Variants in FGF12 observed in about 807,000 individuals in gnomAD.
FGF12 encodes the protein fibroblast growth factor 12.
A neutral mutation model predicts 23.6 loss-of-function variants in FGF12; 14 were observed. The observed-to-expected ratio is 0.59, with a 90% CI of 0.39 to 0.93. The LOEUF (loss-of-function observed/expected upper bound fraction) is 0.93, where lower values mean the gene tolerates loss of function less well. Among genes scored for constraint, FGF12 ranks in the 40% least tolerant of loss-of-function variants. FGF12 has a pLI of 0.00. For synonymous variants in FGF12, 62 were observed against 77.3 expected, an observed-to-expected ratio of 0.80 and a Z score of 1.04; for missense variants, 175 against 217.8, an observed-to-expected ratio of 0.80 and a Z score of 1.24.
chr3:192,222,215 G>A (rs1418862234), intron 4 of FGF12, among the ~76,000 whole-genome samples: 1 of 152,148 alleles, frequency 6.6e-6, no homozygotes, highest in African/African-American at 2.4e-5. Context: ...AGAGATGGAT[G>A]AAAGCCAGGT....
intron 2 of FGF12, among the ~76,000 whole-genome samples, chr3:192,577,370 G>T (rs961682598): frequency 5.9e-5 from 9 of 152,116 alleles, no homozygotes; most frequent in African/African-American, 1.2e-4. Flanking sequence ...ATGAACAAAT[G>T]GTTCTGAGAG....
intron 2 of FGF12, among the ~76,000 whole-genome samples, chr3:192,407,182 C>A (rs1358713038): frequency 1.3e-5 from 2 of 152,144 alleles, no homozygotes; most frequent in Non-Finnish European, 2.9e-5. Flanking sequence ...CAATCATCTG[C>A]GGTCGGGGCT....
intron 4 of FGF12, among the ~76,000 whole-genome samples, chr3:192,228,520 C>T (rs148322482): frequency 1.3e-5 from 2 of 152,172 alleles, no homozygotes; most frequent in African/African-American, 4.8e-5. Context: ...TGTCAAGGCG[C>T]GTCACCTTTG....
At chr3:192,321,869 C>T (rs952831776) in intron 4 of FGF12, among the ~76,000 whole-genome samples, 1 of 151,882 alleles carries the variant, frequency 6.6e-6, no homozygotes, top group Non-Finnish European at 1.5e-5. Context: ...TCATACTGAA[C>T]AAGGAAAAGC....
intron 2 of FGF12, among the ~76,000 whole-genome samples, chr3:192,482,819 T>C (rs942029184): frequency 6.6e-6 from 1 of 152,204 alleles, no homozygotes; most frequent in Non-Finnish European, 1.5e-5. Context: ...TATTAGATAA[T>C]ATAAAAAAGC....
At chr3:192,226,277 C>A (rs954486994) in intron 4 of FGF12, among the ~76,000 whole-genome samples, 1 of 152,066 alleles carries the variant, frequency 6.6e-6, no homozygotes, top group African/African-American at 2.4e-5. Context: ...GCATGATTAC[C>A]ATAATATGTC....
intron 4 of FGF12, among the ~76,000 whole-genome samples, chr3:192,273,034 C>T (rs184973156): frequency 6.6e-6 from 1 of 152,264 alleles, no homozygotes; most frequent in South Asian, 2.1e-4. Flanking sequence ...AGGAAGAGAA[C>T]AGGTGAAGTG....
intron 2 of FGF12, among the ~76,000 whole-genome samples, chr3:192,467,539 T>C (rs1026494608): frequency 6.9e-5 from 10 of 145,616 alleles, no homozygotes; most frequent in Non-Finnish European, 1.5e-4. Flanking sequence ...TGGAAGGTTA[T>C]ATGGAATTAC....
At chr3:192,672,408 A>C (rs761654702) in intron 2 of FGF12, among the ~76,000 whole-genome samples, 1 of 151,044 alleles carries the variant, frequency 6.6e-6, no homozygotes, top group Non-Finnish European at 1.5e-5. Context: ...AGATGAACAC[A>C]CATTAAAATT....
chr3:192,150,578 T>C (rs1713995083), intron 5 of FGF12, among the ~76,000 whole-genome samples: 1 of 146,032 alleles, frequency 6.8e-6, no homozygotes. Flanking sequence ...GGGGAATCCT[T>C]TCCCCATTGC....
At position 192,336,510 on chromosome 3, in the gene FGF12, G is replaced by A. The variant is rs114221154; in HGVS notation, c.125-1046C>T. Among the ~76,000 whole-genome samples the A allele has an allele frequency of 2.2e-3, 341 of 152,168 alleles. No homozygotes were observed. Among genetic ancestry groups the A allele is most frequent in the African/African-American group, 7.8e-3 (325 of 41,542 alleles). ...CCTGAAACAATTCACATTGCATATG[G>A]AAGAAAAGCAATCATATAGTTAGGC... On this transcript the variant is annotated intron_variant, in intron 3 of 5. Coordinates refer to ENST00000445105, the MANE Select transcript of FGF12 (RefSeq NM_004113.6). The surrounding 1 kb of genome is among the most constrained non-coding windows in gnomAD (Gnocchi z 4.3).
At chr3:192,596,041 C>T (rs760830826) in intron 2 of FGF12, among the ~76,000 whole-genome samples, 8 of 146,266 alleles carry the variant, frequency 5.5e-5, no homozygotes, top group African/African-American at 1.0e-4. Flanking sequence ...TGCAGTTAGC[C>T]GATATTGTAC....
intron 2 of FGF12, among the ~76,000 whole-genome samples, chr3:192,479,439 C>G (rs575801655): frequency 6.6e-6 from 1 of 152,204 alleles, no homozygotes; most frequent in Admixed American, 6.5e-5. Context: ...TAGTCAACTT[C>G]TTTATTTCAG....
intron 4 of FGF12, among the ~76,000 whole-genome samples, chr3:192,334,461 T>C (rs1000716070): frequency 5.3e-5 from 8 of 152,126 alleles, no homozygotes; most frequent in Admixed American, 5.2e-4. Flanking sequence ...GTAATCATGA[T>C]TTTCAAGGAA....
intron 2 of FGF12, among the ~76,000 whole-genome samples, chr3:192,653,874 A>G (rs79609461): frequency 1.3e-5 from 2 of 151,962 alleles, no homozygotes; most frequent in East Asian, 1.9e-4. Context: ...GCCACCATGC[A>G]TGGCTAATTT....
chr3:192,561,576 A>T (rs1209957171), intron 2 of FGF12, among the ~76,000 whole-genome samples: 1 of 151,980 alleles, frequency 6.6e-6, no homozygotes, highest in East Asian at 1.9e-4. Context: ...GTTAGCCAGG[A>T]TAGTCTCGAT....
intron 3 of FGF12, among the ~76,000 whole-genome samples, chr3:192,349,061 G>A (rs1414580901): frequency 6.6e-6 from 1 of 151,986 alleles, no homozygotes. Context: ...ATGCTTCATG[G>A]TAGTATGCCC....
chr3:192,417,908 A>G (rs1022004858), intron 2 of FGF12, among the ~76,000 whole-genome samples: 1 of 152,084 alleles, frequency 6.6e-6, no homozygotes, highest in Non-Finnish European at 1.5e-5. Flanking sequence ...CTCAAAAAAG[A>G]GGATGTGCCT....
chr3:192,243,159 C>T (rs1719709820), intron 4 of FGF12, among the ~76,000 whole-genome samples: 1 of 151,834 alleles, frequency 6.6e-6, no homozygotes, highest in Non-Finnish European at 1.5e-5. Flanking sequence ...AGATGTTAAC[C>T]TTAAATATAT....
Sources: gnomAD v4.1 joint callset for allele counts (sites outside exome capture counted in the v4.1 genomes callset) on GRCh38, gnomAD v4.1.1 for gene constraint, Gnocchi (gnomAD v3.1) non-coding constraint, MANE v1.5 for transcripts, NCBI Gene and HGNC (gene_info 2026-07-23, HGNC 2026-07-21) for gene names.